Variants in WWP2 observed in about 807,000 individuals in gnomAD.
WWP2 encodes WW domain containing E3 ubiquitin protein ligase 2.
In WWP2, 57 loss-of-function variants were observed where a neutral mutation model predicts 121.0. That is an observed-to-expected ratio of 0.47 (90% CI 0.38 to 0.59). WWP2 has a LOEUF of 0.59. WWP2 is among the 20% of genes least tolerant of loss of function. WWP2 has a pLI of 0.00. For synonymous variants in WWP2, 449 were observed against 441.3 expected (o/e 1.02, Z -0.22); for missense variants, 962 against 1,158.9 (o/e 0.83, Z 2.47).
chr16:69,829,598 C>T (rs2056759710), intron 4 of WWP2, among the ~76,000 whole-genome samples: 1 of 152,204 alleles, frequency 6.6e-6, no homozygotes, highest in African/African-American at 2.4e-5. Context: ...TAGCTGTCTT[C>T]TTGAAACTTA....
intron 4 of WWP2, among the ~76,000 whole-genome samples, chr16:69,801,122 G>A (rs1287643291): frequency 1.3e-5 from 2 of 148,240 alleles, no homozygotes; most frequent in African/African-American, 4.9e-5. Flanking sequence ...CCGGGAGGTG[G>A]AGGTTCCAGT....
intron 4 of WWP2, among the ~76,000 whole-genome samples, chr16:69,803,866 C>T (rs112163450): frequency 3.3e-5 from 5 of 152,104 alleles, no homozygotes; most frequent in African/African-American, 1.2e-4. Context: ...TGAGATTGTG[C>T]CACTGCAGTC....
chr16:69,857,248 A>C (rs1166052066), intron 6 of WWP2, among the ~76,000 whole-genome samples: 1 of 151,960 alleles, frequency 6.6e-6, no homozygotes, highest in African/African-American at 2.4e-5. Context: ...GGCGCGCTCC[A>C]CCACGCTCAG....
At chr16:69,848,754 A>G (rs1375161069) in intron 6 of WWP2, among the ~76,000 whole-genome samples, 2 of 151,924 alleles carry the variant, frequency 1.3e-5, no homozygotes, top group Non-Finnish European at 2.9e-5. Flanking sequence ...GTGAACGCAC[A>G]TGAGAGAGTG....
chr16:69,897,830 C>T (rs941711123), intron 8 of WWP2, among the ~76,000 whole-genome samples: 1 of 151,772 alleles, frequency 6.6e-6, no homozygotes, highest in Non-Finnish European at 1.5e-5. Flanking sequence ...ATGGTTTGAA[C>T]CAGGGAGGCG....
At chr16:69,840,032 C>T in intron 4 of WWP2, 94 bp from the exon 5 acceptor site, 1 of 1,544,098 alleles carries the variant, frequency 6.5e-7, no homozygotes, top group Non-Finnish European at 8.8e-7. Context: ...CCCAGAGAAG[C>T]CAGCAAAGGT....
At chr16:69,832,602 C>T (rs2937123) in intron 4 of WWP2, among the ~76,000 whole-genome samples, 127,937 of 152,168 alleles carry the variant, frequency 0.84, 54,085 homozygotes, top group Admixed American at 0.9. Flanking sequence ...AGTGCAGTGA[C>T]ATGGATCTCA....
At chr16:69,916,186 G>GTGTTGT (rs368952818) in intron 9 of WWP2, among the ~76,000 whole-genome samples, 13 of 151,858 alleles carry the variant, frequency 8.6e-5, no homozygotes, top group Admixed American at 5.9e-4. Flanking sequence ...GTCAATGGAA[G>GTGTTGT]TGTTGTTGTT....
chr16:69,865,862 G>A (rs1264781421), intron 6 of WWP2, among the ~76,000 whole-genome samples: 1 of 152,222 alleles, frequency 6.6e-6, no homozygotes, highest in Non-Finnish European at 1.5e-5. Context: ...ATAGTCAGTG[G>A]CCTCTTATCA....
intron 6 of WWP2, among the ~76,000 whole-genome samples, chr16:69,859,416 A>C (rs530896505): frequency 9.9e-5 from 15 of 152,218 alleles, no homozygotes; most frequent in African/African-American, 3.4e-4. Flanking sequence ...TTAGCTAGGC[A>C]TGGTGGCGCA....
Position 69,799,414 on chromosome 16 carries a change from T to C in WWP2, c.340+119T>C. The C allele has an allele frequency of 7.2e-7, 1 of 1,386,240 alleles. No individual in the cohort carries two copies. The highest frequency in any genetic ancestry group is 9.6e-7 in the Non-Finnish European group (1 of 1,042,666). The allele number at this position is 1,386,240 out of a possible 1,614,324, so 85.9% of individuals were successfully genotyped here. A position where few individuals can be genotyped will look rare whatever the true frequency, so the allele number is the denominator to read the frequency against. ...GGGGCTGCAGTACCTCTGTTCTCCT[T>C]GGATGCTGTCTTTGGAGTTTTGGGA... On this transcript the variant is annotated intron_variant, in intron 4 of 23. Transcript: ENST00000359154. The surrounding 1 kb of genome is among the most constrained non-coding windows in gnomAD (Gnocchi z 4.5).
intron 4 of WWP2, among the ~76,000 whole-genome samples, chr16:69,806,859 G>T (rs573080873): frequency 3.3e-5 from 5 of 151,520 alleles, no homozygotes; most frequent in Non-Finnish European, 7.4e-5. Context: ...TCTTGGATTT[G>T]TCAGATACCA....
chr16:69,931,715 A>AT, intron 15 of WWP2, 87 bp from the exon 16 acceptor site: 1 of 1,572,536 alleles, frequency 6.4e-7, no homozygotes, highest in Admixed American at 1.7e-5. Context: ...TCTGCTGGAT[A>AT]TTGGGCCTTA....
In WWP2 at chr16:69,909,109, C is replaced by G. The variant is rs554491199; in HGVS notation, c.1004+259C>G. 5.1e-6 allele frequency: 6 copies of G among 1,177,132 alleles called. No homozygotes were observed. In the East Asian group the frequency reaches 2.6e-4, roughly 51 times the overall value. 72.9% of individuals were successfully genotyped at this position (1,177,132 alleles called of 1,614,324 possible). A position where few individuals can be genotyped will look rare whatever the true frequency, so the allele number is the denominator to read the frequency against. ...GAGTGTTGATGCATTCCGCCGTACC[C>G]TATGCCCAGCCTGTCCCTAAAGGCA... On this transcript the variant is annotated intron_variant, in intron 9 of 23. Transcript: ENST00000359154.
chr16:69,908,934 C>T (rs1019928808), intron 9 of WWP2, 84 bp downstream of exon 9: 19 of 1,602,316 alleles, frequency 1.2e-5, no homozygotes, highest in South Asian at 6.7e-5. Context: ...TCCCTTTCTG[C>T]GGAGGTAGCA....
chr16:69,839,723 T>A (rs956747431), intron 4 of WWP2, among the ~76,000 whole-genome samples: 4 of 152,244 alleles, frequency 2.6e-5, no homozygotes, highest in Non-Finnish European at 5.9e-5. Flanking sequence ...TGGAGATGCC[T>A]CCTGTTGACA....
At chr16:69,830,978 A>G (rs758242885) in intron 4 of WWP2, among the ~76,000 whole-genome samples, 5 of 152,154 alleles carry the variant, frequency 3.3e-5, no homozygotes, top group African/African-American at 7.2e-5. Context: ...AGTTATGTGT[A>G]GAATGAACAC....
rs573699084 is a variant in WWP2, at chr16:69,931,783, C to T, written c.1594-19C>T. ...TGGAAGGGAGAGTGGCAGGCTGGCC[C>T]GATGCTCTGTCTTCCCAGATCATGA... On this transcript the variant is annotated intron_variant, in intron 15 of 23. Transcript: ENST00000359154. The T allele has an allele frequency of 1.2e-5, 20 of 1,612,842 alleles. No homozygotes were observed. The highest frequency in any genetic ancestry group is 6.7e-5 in the African/African-American group (5 of 75,006).
chr16:69,835,822 A>ATTC (rs2056867017), intron 4 of WWP2, among the ~76,000 whole-genome samples: 56 of 147,062 alleles, frequency 3.8e-4, no homozygotes, highest in South Asian at 6.4e-4. Context: ...TTTTTTTTTG[A>ATTC]GACAGAGTCT....
Sources: allele counts gnomAD v4.1 joint callset (sites outside exome capture counted in the v4.1 genomes callset), GRCh38; gene constraint gnomAD v4.1.1; non-coding constraint Gnocchi (gnomAD v3.1); transcripts MANE v1.5; gene names NCBI Gene and HGNC (gene_info 2026-07-23, HGNC 2026-07-21).